Variants in CACNB4 observed in about 807,000 individuals in gnomAD.
CACNB4 encodes voltage-dependent L-type calcium channel subunit beta-4.
A neutral mutation model predicts 71.2 loss-of-function variants in CACNB4; 32 were observed. The ratio of observed to expected loss-of-function variants is 0.45; its 90% CI spans 0.34 to 0.60. The LOEUF (loss-of-function observed/expected upper bound fraction) is 0.60, where lower values mean the gene tolerates loss of function less well. Ranked by LOEUF, CACNB4 falls within the 20% of genes least tolerant of loss-of-function variation. The pLI, the probability that CACNB4 is intolerant of heterozygous loss-of-function variation, is 0.01. For missense variants in CACNB4, 464 were observed against 647.9 expected (o/e 0.72, Z 3.08); for synonymous variants, 231 against 236.9 (o/e 0.97, Z 0.23).
Position 152,098,755 on chromosome 2 carries a change from G to C in CACNB4, c.63+194C>G. 1 of 1,469,620 alleles carries C rather than the reference G, an allele frequency of 6.8e-7. No homozygotes were observed. The allele number at this position is 1,469,620 out of a possible 1,614,324, so 91.0% of individuals were successfully genotyped here. On this transcript the variant is annotated intron_variant, in intron 1 of 13. Transcript: ENST00000539935. The surrounding 1 kb of genome is among the most constrained non-coding windows in gnomAD (Gnocchi z 5.3). ...AGACCCGAAGGAGGGTGAGGAGGAG[G>C]AGGAAGAGAAGGAGGAGAAAGAGGA... is the stretch of plus-strand genomic sequence containing the variant.
intron 2 of CACNB4, among the ~76,000 whole-genome samples, chr2:151,925,903 A>T (rs1397354594): frequency 1.3e-5 from 2 of 152,228 alleles, no homozygotes; most frequent in Non-Finnish European, 2.9e-5. Flanking sequence ...AAGCAACTAG[A>T]AGAATCGACA....
intron 2 of CACNB4, among the ~76,000 whole-genome samples, chr2:151,918,816 G>A (rs2099858199): frequency 6.6e-6 from 1 of 152,310 alleles, no homozygotes; most frequent in East Asian, 1.9e-4. Flanking sequence ...AACTGACAAA[G>A]GCAGCACATC....
At chr2:151,974,971 C>T (rs1347861383) in intron 2 of CACNB4, among the ~76,000 whole-genome samples, 1 of 152,166 alleles carries the variant, frequency 6.6e-6, no homozygotes, top group Admixed American at 6.5e-5. Context: ...AGTAATGACC[C>T]AGAAACTCAG....
intron 4 of CACNB4, 52 bp from the exon 5 acceptor site, chr2:151,876,608 T>C: frequency 7.6e-7 from 1 of 1,313,362 alleles, no homozygotes; most frequent in Non-Finnish European, 1.1e-6. Flanking sequence ...TATCTTCACG[T>C]TGTTTATTAA....
chr2:151,879,399 TTTGG>T (rs1487108391), intron 4 of CACNB4: 158 of 152,294 alleles, frequency 1.0e-3, no homozygotes, highest in African/African-American at 3.5e-3. Flanking sequence ...TTGATCATCA[TTTGG>T]CTTATGTGAC....
chr2:151,998,094 G>C (rs1202468401), intron 2 of CACNB4, among the ~76,000 whole-genome samples: 5 of 152,214 alleles, frequency 3.3e-5, no homozygotes, highest in East Asian at 3.9e-4. Context: ...AGGCCAAGGT[G>C]GGGGGATCGC....
intron 2 of CACNB4, among the ~76,000 whole-genome samples, chr2:151,944,603 C>T (rs2099865129): frequency 6.6e-6 from 1 of 152,058 alleles, no homozygotes; most frequent in South Asian, 2.1e-4. Flanking sequence ...ACCAGCCTGG[C>T]CAACATGGAG....
chr2:151,926,481 A>G (rs1344317712), intron 2 of CACNB4, among the ~76,000 whole-genome samples: 2 of 152,180 alleles, frequency 1.3e-5, no homozygotes. Flanking sequence ...AAAACTCTGA[A>G]ATGGAATTTT....
chr2:151,876,939 T>C (rs2099846533), intron 4 of CACNB4, among the ~76,000 whole-genome samples: 1 of 147,130 alleles, frequency 6.8e-6, no homozygotes, highest in South Asian at 2.1e-4. Flanking sequence ...ATATATACTA[T>C]ATTTATATAA....
intron 2 of CACNB4, among the ~76,000 whole-genome samples, chr2:151,991,984 G>A (rs528801269): frequency 6.6e-6 from 1 of 152,326 alleles, no homozygotes; most frequent in South Asian, 2.1e-4. Context: ...CTGGGACTCA[G>A]TCCCACTGAG....
At chr2:151,912,326 A>G (rs928296906) in intron 2 of CACNB4, among the ~76,000 whole-genome samples, 1 of 151,098 alleles carries the variant, frequency 6.6e-6, no homozygotes, top group Non-Finnish European at 1.5e-5. Context: ...TTCTGTCTTA[A>G]CGCTGCTTTA....
intron 12 of CACNB4, among the ~76,000 whole-genome samples, chr2:151,845,961 C>A (rs918509736): frequency 6.6e-6 from 1 of 152,098 alleles, no homozygotes; most frequent in Non-Finnish European, 1.5e-5. Context: ...GAAAAACATG[C>A]CTCTAGCTCA....
At chr2:152,089,907 G>C (rs969990568) in intron 2 of CACNB4, among the ~76,000 whole-genome samples, 14 of 152,154 alleles carry the variant, frequency 9.2e-5, no homozygotes, top group Admixed American at 7.9e-4. Flanking sequence ...GTCTCAAAAA[G>C]AAAAAAAGAA....
chr2:152,093,132 T>C (rs1688069286), intron 2 of CACNB4, among the ~76,000 whole-genome samples: 1 of 152,158 alleles, frequency 6.6e-6, no homozygotes, highest in South Asian at 2.1e-4. Context: ...GCTGCATACA[T>C]ATATTGTTTC....
intron 4 of CACNB4, among the ~76,000 whole-genome samples, chr2:151,879,005 CCTGT>C (rs1377223743): frequency 9.9e-5 from 15 of 152,280 alleles, no homozygotes; most frequent in Admixed American, 7.8e-4. Flanking sequence ...TCCCCACTTT[CCTGT>C]CTTTTAGTAT....
At chr2:151,966,100 C>T (rs1314997962) in intron 2 of CACNB4, among the ~76,000 whole-genome samples, 3 of 152,096 alleles carry the variant, frequency 2.0e-5, no homozygotes, top group Admixed American at 2.0e-4. Flanking sequence ...GCAAAAAGTA[C>T]AAAATTTTGC....
intron 2 of CACNB4, among the ~76,000 whole-genome samples, chr2:151,941,316 C>G (rs2099864185): frequency 7.8e-6 from 1 of 128,478 alleles, no homozygotes; most frequent in Non-Finnish European, 1.6e-5. Context: ...GCGTCTCGCT[C>G]TGTCGTCCAG....
chr2:152,033,719 T>C (rs1684408764), intron 2 of CACNB4, among the ~76,000 whole-genome samples: 1 of 152,142 alleles, frequency 6.6e-6, no homozygotes, highest in African/African-American at 2.4e-5. Context: ...TGACACAACA[T>C]TCAGCTAGTG....
chr2:151,969,950 A>G (rs2099872085), intron 2 of CACNB4: 1 of 152,224 alleles, frequency 6.6e-6, no homozygotes, highest in Non-Finnish European at 1.5e-5. Flanking sequence ...ATTGCCCTGA[A>G]TGATGATCTG....
Sources: allele counts gnomAD v4.1 joint callset (sites outside exome capture counted in the v4.1 genomes callset), GRCh38; gene constraint gnomAD v4.1.1; non-coding constraint Gnocchi (gnomAD v3.1); transcripts MANE v1.5; gene names NCBI Gene and HGNC (gene_info 2026-07-23, HGNC 2026-07-21).